The following TATDN1 variants were observed in gnomAD, a reference collection of about 807,000 sequenced individuals.
TATDN1 encodes deoxyribonuclease TATDN1.
TATDN1 carries 40 observed loss-of-function variants against 46.4 expected under a neutral mutation model. The ratio of observed to expected loss-of-function variants is 0.86; its 90% confidence interval spans 0.67 to 1.12. TATDN1 has a LOEUF of 1.12. Ranked by LOEUF, TATDN1 falls within the 50% of genes most tolerant of loss-of-function variation. The pLI, the probability that TATDN1 is intolerant of heterozygous loss-of-function variation, is 0.00. For missense variants in TATDN1, 326 were observed against 348.4 expected, an observed-to-expected ratio of 0.94 and a Z score of 0.51; for synonymous variants, 95 against 105.6, an observed-to-expected ratio of 0.90 and a Z score of 0.62.
In TATDN1 at chr8:124,518,858, T is replaced by C. The variant is rs145378755; in HGVS notation, c.162A>G (p.Leu54=). The C allele has an allele frequency of 3.4e-5, 54 of 1,611,382 alleles. No homozygotes were observed. Among genetic ancestry groups the C allele is most frequent in the Non-Finnish European group, 4.5e-5 (53 of 1,178,160 alleles). Residue 54 remains leucine (L), a synonymous_variant, in exon 4 of 12, where the codon CTA becomes CTG. Transcript: ENST00000276692. Reference sequence around the variant, plus strand: ...AATGCAGTGCATCTTTACTGTCTTGTAGATTTCCACCTGTAATCATAAACT... The same window carrying C: ...AATGCAGTGCATCTTTACTGTCTTGCAGATTTCCACCTGTAATCATAAACT... ...VKKFMITGGN[L]QDSKDALHLA...
At chr8:124,504,611 G>C (rs1818242730) in intron 8 of TATDN1, 1 of 276,870 alleles carries the variant, frequency 3.6e-6, no homozygotes, top group Non-Finnish European at 6.6e-6. Flanking sequence ...CTCTGCACTA[G>C]CATTAGTGCA....
intron 1 of TATDN1, among the ~76,000 whole-genome samples, chr8:124,531,324 G>A (rs1310051097): frequency 6.6e-6 from 1 of 152,142 alleles, no homozygotes; most frequent in Non-Finnish European, 1.5e-5. Context: ...TAATGCTAAT[G>A]GGAGAGCTTT....
intron 9 of TATDN1, among the ~76,000 whole-genome samples, chr8:124,503,640 A>G (rs1461157725): frequency 6.6e-6 from 1 of 152,210 alleles, no homozygotes; most frequent in Non-Finnish European, 1.5e-5. Flanking sequence ...CTATTTTGCA[A>G]CTGATTTAAT....
intron 1 of TATDN1, among the ~76,000 whole-genome samples, chr8:124,529,455 G>T (rs1022779442): frequency 6.6e-6 from 1 of 152,092 alleles, no homozygotes; most frequent in Non-Finnish European, 1.5e-5. Flanking sequence ...GGATACGGGG[G>T]GTTACAAAAT....
chr8:124,515,401 C>T (rs547900146), intron 6 of TATDN1, among the ~76,000 whole-genome samples: 2 of 152,188 alleles, frequency 1.3e-5, no homozygotes, highest in South Asian at 2.1e-4. Context: ...AAAACAATCA[C>T]ATTCCCCAAA....
intron 9 of TATDN1, chr8:124,503,864 C>T (rs1313136168): frequency 7.1e-6 from 9 of 1,275,238 alleles, no homozygotes; most frequent in Non-Finnish European, 9.2e-6. Flanking sequence ...CTTTGAGCCT[C>T]GGTTTCTTTG....
At chr8:124,516,053 G>A (rs1472845312) in intron 4 of TATDN1, 23 bp from the exon 5 acceptor site, 3 of 1,549,344 alleles carry the variant, frequency 1.9e-6, no homozygotes, top group Middle Eastern at 3.7e-4. Context: ...AATGTCTTAG[G>A]ATTATTTTCA....
intron 1 of TATDN1, among the ~76,000 whole-genome samples, chr8:124,527,840 C>T (rs1820634047): frequency 6.6e-6 from 1 of 150,778 alleles, no homozygotes; most frequent in Non-Finnish European, 1.5e-5. Context: ...CATCCTAGAT[C>T]AACCAGGAAT....
chr8:124,517,011 G>A (rs1252173515), intron 4 of TATDN1, among the ~76,000 whole-genome samples: 1 of 152,230 alleles, frequency 6.6e-6, no homozygotes, highest in African/African-American at 2.4e-5. Context: ...GAGTGGAAGA[G>A]GGCTGGTAAT....
rs745491296 is a variant in TATDN1 at position 124,518,890 on chromosome 8, G to C, written c.139-9C>G. 6 of 1,589,786 alleles carry C rather than the reference G, an allele frequency of 3.8e-6. No homozygotes were observed. The Admixed American group carries it at 8.6e-5, about 23-fold the overall frequency. On this transcript the variant is annotated splice_polypyrimidine_tract_variant and intron_variant, in intron 3 of 11. Transcript: ENST00000276692. ...CCACCTGTAATCATAAACTGAAATA[G>C]AAAGAAAATAAAATAAGCTGACTTT...
At chr8:124,533,181 G>A (rs1821120596) in intron 1 of TATDN1, among the ~76,000 whole-genome samples, 2 of 152,158 alleles carry the variant, frequency 1.3e-5, no homozygotes, top group East Asian at 3.9e-4. Context: ...GAATCCGGGA[G>A]GTGGAGCTTG....
Position 124,539,047 on chromosome 8 carries a change from G to C in TATDN1, c.-1C>G, listed in dbSNP as rs377069580. On this transcript the variant is annotated 5_prime_UTR_variant, in exon 1 of 12. Coordinates refer to ENST00000276692, the MANE Select transcript of TATDN1 (RefSeq NM_032026.4). ...TACCGATAAACTTGAAGCGACTCAT[G>C]ACTGCGCATGGAGGACCTCCCCAGC... 3 of 1,613,870 alleles carry C rather than the reference G, an allele frequency of 1.9e-6. No homozygotes were observed. Among genetic ancestry groups the C allele is most frequent in the Non-Finnish European group, 2.5e-6 (3 of 1,179,758 alleles).
At chr8:124,526,985 G>A (rs139174930) in intron 1 of TATDN1, among the ~76,000 whole-genome samples, 760 of 150,580 alleles carry the variant, frequency 5.0e-3, no homozygotes, top group Admixed American at 0.011. Context: ...CAGACTTTCT[G>A]TAGGGTGTTG....
intron 1 of TATDN1, among the ~76,000 whole-genome samples, chr8:124,527,155 C>T (rs1230290981): frequency 2.6e-5 from 4 of 152,138 alleles, no homozygotes; most frequent in Non-Finnish European, 5.9e-5. Context: ...GGCTGGCTAA[C>T]GTACATATTT....
intron 9 of TATDN1, among the ~76,000 whole-genome samples, chr8:124,499,787 GC>G (rs945541579): frequency 1.3e-5 from 2 of 151,246 alleles, no homozygotes; most frequent in African/African-American, 4.9e-5. Flanking sequence ...ATTGTGATCC[GC>G]CCACCTCAGC....
chr8:124,508,437 GTTCA>G, intron 8 of TATDN1, 33 bp downstream of exon 8: 1 of 1,585,214 alleles, frequency 6.3e-7, no homozygotes, highest in Non-Finnish European at 8.6e-7. Context: ...GATTAGAGAT[GTTCA>G]ACCTGTATTA....
chr8:124,528,493 C>A (rs1380026253), intron 1 of TATDN1, among the ~76,000 whole-genome samples: 1 of 152,026 alleles, frequency 6.6e-6, no homozygotes, highest in Non-Finnish European at 1.5e-5. Context: ...TCTATTTCAC[C>A]TGAAGTACTT....
intron 4 of TATDN1, 121 bp from the exon 5 acceptor site, chr8:124,516,151 C>T (rs1208537438): frequency 1.2e-6 from 1 of 813,826 alleles, no homozygotes; most frequent in Non-Finnish European, 1.8e-6. Context: ...ATAAATTACT[C>T]AAATTATAAG....
chr8:124,527,383 C>T (rs1257082103), intron 1 of TATDN1, among the ~76,000 whole-genome samples: 6 of 152,054 alleles, frequency 3.9e-5, no homozygotes, highest in African/African-American at 1.2e-4. Context: ...GGAAGGAATG[C>T]GCGGTGAAAC....
Sources: gnomAD v4.1 joint callset for allele counts (sites outside exome capture counted in the v4.1 genomes callset) on GRCh38, gnomAD v4.1.1 for gene constraint, MANE v1.5 for transcripts, NCBI Gene and HGNC (gene_info 2026-07-23, HGNC 2026-07-21) for gene names.